Variants in SPAG16 observed in about 807,000 individuals in gnomAD.
SPAG16 encodes sperm-associated antigen 16 protein.
SPAG16 carries 86 observed loss-of-function variants against 80.4 expected under a neutral mutation model. The observed-to-expected ratio is 1.07, with a 90% CI of 0.90 to 1.28. The LOEUF is 1.28. SPAG16 is among the 50% of genes most tolerant of loss of function. The pLI, the probability that SPAG16 is intolerant of heterozygous loss-of-function variation, is 0.00. For synonymous variants in SPAG16, 294 were observed against 265.9 expected (o/e 1.11, Z -1.03); for missense variants, 870 against 765.3 (o/e 1.14, Z -1.61).
intron 5 of SPAG16, chr2:213,317,732 G>A: frequency 3.0e-6 from 3 of 986,258 alleles, no homozygotes; most frequent in Non-Finnish European, 3.6e-6. Flanking sequence ...GTTTATTCCT[G>A]GTAGAGGAAT....
chr2:213,774,989 T>C (rs2069484498), intron 10 of SPAG16, among the ~76,000 whole-genome samples: 1 of 152,192 alleles, frequency 6.6e-6, no homozygotes, highest in African/African-American at 2.4e-5. Flanking sequence ...AGGTTGGATC[T>C]GTCTCGGCAC....
At chr2:213,735,919 C>T (rs1369465848) in intron 10 of SPAG16, among the ~76,000 whole-genome samples, 3 of 152,018 alleles carry the variant, frequency 2.0e-5, no homozygotes, top group African/African-American at 7.3e-5. Flanking sequence ...GTTTAGATAC[C>T]GTCATTATAC....
chr2:213,737,325 A>G (rs1484567282), intron 10 of SPAG16, among the ~76,000 whole-genome samples: 1 of 152,104 alleles, frequency 6.6e-6, no homozygotes, highest in Non-Finnish European at 1.5e-5. Flanking sequence ...ATAGCATACT[A>G]TACTCTTTAT....
chr2:213,869,280 T>TATACGTATACAC (rs869276304), intron 11 of SPAG16, among the ~76,000 whole-genome samples: 1 of 112,478 alleles, frequency 8.9e-6, no homozygotes, highest in Non-Finnish European at 1.9e-5. Flanking sequence ...TATATATATA[T>TATACGTATACAC]GTATATATAT....
At chr2:213,604,331 T>C (rs532909896) in intron 10 of SPAG16, among the ~76,000 whole-genome samples, 1 of 152,338 alleles carries the variant, frequency 6.6e-6, no homozygotes, top group East Asian at 1.9e-4. Context: ...ATTTTTTTCC[T>C]TTATTTTTTG....
chr2:214,349,642 T>G (rs551243317), intron 15 of SPAG16, among the ~76,000 whole-genome samples: 1 of 152,332 alleles, frequency 6.6e-6, no homozygotes, highest in African/African-American at 2.4e-5. Context: ...AGTTTTAGTT[T>G]TATAAGAAAC....
chr2:213,321,907 A>G (rs1360971235), intron 5 of SPAG16, among the ~76,000 whole-genome samples: 1 of 152,118 alleles, frequency 6.6e-6, no homozygotes, highest in Non-Finnish European at 1.5e-5. Flanking sequence ...TACGTTTTCT[A>G]TTGAAATGTA....
Position 214,293,591 on chromosome 2 carries a change from C to G in SPAG16, c.1721-116549C>G, listed in dbSNP as rs1463767264. Among the ~76,000 whole-genome samples, 8 of 152,296 alleles carry G rather than the reference C, an allele frequency of 5.3e-5. 1 individual carries two copies. The highest frequency in any genetic ancestry group is 4.1e-4 in the South Asian group (2 of 4,822). On this transcript the variant is annotated intron_variant, in intron 15 of 15. Coordinates refer to ENST00000331683, the MANE Select transcript of SPAG16 (RefSeq NM_024532.5). ...CTCCCCAGGTCACTAGCAGAATGCT[C>G]AGGTTGGGACAGCAGTGGCTGTGTT... is the stretch of plus-strand genomic sequence containing the variant.
At position 213,875,856 on chromosome 2, in the gene SPAG16, C is replaced by T. The variant is rs530016589; in HGVS notation, c.1214+13228C>T. 1.0e-3 allele frequency among the ~76,000 whole-genome samples: 159 copies of T among 152,148 alleles called. 1 individual carries two copies. In the South Asian group the frequency reaches 0.021, roughly 20 times the overall value. On this transcript the variant is annotated intron_variant, in intron 11 of 15. Coordinates refer to ENST00000331683, the MANE Select transcript of SPAG16 (RefSeq NM_024532.5). Reference sequence around the variant, plus strand: ...ACGGCTGTAAATTCATTTTCCTTCACGTATTTGATGTCTTTGATTGATGCA... The same window carrying T: ...ACGGCTGTAAATTCATTTTCCTTCATGTATTTGATGTCTTTGATTGATGCA...
chr2:214,322,315 C>A (rs1324637448), intron 15 of SPAG16, among the ~76,000 whole-genome samples: 1 of 152,088 alleles, frequency 6.6e-6, no homozygotes, highest in Non-Finnish European at 1.5e-5. Flanking sequence ...TAAAACCACC[C>A]CAGGTGTTCT....
At chr2:213,950,982 G>A (rs1205341121) in intron 12 of SPAG16, among the ~76,000 whole-genome samples, 5 of 149,490 alleles carry the variant, frequency 3.3e-5, no homozygotes, top group Non-Finnish European at 7.4e-5. Flanking sequence ...AAAGTGTTGG[G>A]ATTACAGGTG....
At chr2:213,356,053 T>G (rs1008374021) in intron 7 of SPAG16, among the ~76,000 whole-genome samples, 3 of 152,210 alleles carry the variant, frequency 2.0e-5, no homozygotes, top group Admixed American at 6.5e-5. Context: ...GATCAATACC[T>G]AGTTTATTGA....
chr2:214,219,730 T>C (rs2058516893), intron 15 of SPAG16, among the ~76,000 whole-genome samples: 1 of 152,136 alleles, frequency 6.6e-6, no homozygotes, highest in South Asian at 2.1e-4. Context: ...TTAGAAAATG[T>C]CCCTTCTAGT....
chr2:213,373,434 A>G (rs752796129), intron 8 of SPAG16, among the ~76,000 whole-genome samples: 8 of 152,132 alleles, frequency 5.3e-5, no homozygotes, highest in Non-Finnish European at 1.0e-4. Context: ...TTTGGTTTTA[A>G]ATGTTGAATA....
chr2:214,162,624 C>A (rs2056485108), intron 15 of SPAG16, among the ~76,000 whole-genome samples: 1 of 152,098 alleles, frequency 6.6e-6, no homozygotes, highest in African/African-American at 2.4e-5. Context: ...CAACTTCAAA[C>A]CAATAGACAC....
intron 10 of SPAG16, among the ~76,000 whole-genome samples, chr2:213,695,898 T>C (rs1456375330): frequency 6.6e-6 from 1 of 152,188 alleles, no homozygotes; most frequent in Non-Finnish European, 1.5e-5. Context: ...GGGATTGATG[T>C]CATCCAATTT....
intron 10 of SPAG16, among the ~76,000 whole-genome samples, chr2:213,556,529 A>G (rs1374351946): frequency 6.6e-6 from 1 of 152,144 alleles, no homozygotes; most frequent in Non-Finnish European, 1.5e-5. Flanking sequence ...ATAAAGGAAT[A>G]ACTTCATTAT....
At chr2:213,575,891 A>G (rs550053743) in intron 10 of SPAG16, among the ~76,000 whole-genome samples, 1 of 152,284 alleles carries the variant, frequency 6.6e-6, no homozygotes, top group African/African-American at 2.4e-5. Flanking sequence ...AGTATATGCC[A>G]CAAATCTGTA....
chr2:214,386,030 C>G (rs182893772), intron 15 of SPAG16, among the ~76,000 whole-genome samples: 395 of 152,178 alleles, frequency 2.6e-3, no homozygotes, highest in Non-Finnish European at 4.4e-3. Flanking sequence ...CAATTTGGCT[C>G]TCACATATTA....
Sources: gnomAD v4.1 joint callset for allele counts (sites outside exome capture counted in the v4.1 genomes callset) on GRCh38, gnomAD v4.1.1 for gene constraint, MANE v1.5 for transcripts, NCBI Gene and HGNC (gene_info 2026-07-23, HGNC 2026-07-21) for gene names.